LIG1: variants seen among roughly 807,000 people sequenced by gnomAD.
LIG1 encodes the protein ligase I, DNA, ATP-dependent.
In LIG1, 70 loss-of-function variants were observed where a neutral mutation model predicts 115.7. That is an observed-to-expected ratio of 0.60 (90% confidence interval 0.50 to 0.74). LIG1 has a LOEUF of 0.74. Ranked by LOEUF, LIG1 falls within the 30% of genes least tolerant of loss-of-function variation. LIG1 has a pLI of 0.00. For synonymous variants in LIG1, 487 were observed against 495.3 expected, an observed-to-expected ratio of 0.98 and a Z score of 0.22; for missense variants, 1,115 against 1,225.6, an observed-to-expected ratio of 0.91 and a Z score of 1.35.
chr19:48,145,025 A>G (rs1015826854), intron 9 of LIG1, among the ~76,000 whole-genome samples: 1 of 152,120 alleles, frequency 6.6e-6, no homozygotes, highest in Non-Finnish European at 1.5e-5. Context: ...CTCCTACCTC[A>G]GCTTCTTGAG....
chr19:48,160,390 T>C (rs893096217), intron 4 of LIG1, among the ~76,000 whole-genome samples: 2 of 151,992 alleles, frequency 1.3e-5, no homozygotes, highest in African/African-American at 4.8e-5. Context: ...GTGCACCTGG[T>C]GGGTGTGGGA....
At position 48,137,723 on chromosome 19, in the gene LIG1, T is replaced by C. The variant is rs1456526045; in HGVS notation, c.1088-35A>G. ...AGAGCGCGGGTGGGGGTGTCGAGGGTGACAGTTGTGGCTGCGTGTCTCCCT... is the reference window on the plus strand; with the variant it reads ...AGAGCGCGGGTGGGGGTGTCGAGGGCGACAGTTGTGGCTGCGTGTCTCCCT... On this transcript the variant is annotated intron_variant, in intron 12 of 27. Coordinates refer to ENST00000263274, the MANE Select transcript of LIG1 (RefSeq NM_000234.3). The surrounding 1 kb of genome is among the most constrained non-coding windows in gnomAD (Gnocchi z 4.3). 1 of 1,598,646 alleles carries C rather than the reference T, an allele frequency of 6.3e-7. No individual in the cohort carries two copies. The highest frequency in any genetic ancestry group is 8.5e-7 in the Non-Finnish European group (1 of 1,179,264).
Position 48,161,482 on chromosome 19 carries a change from C to T in LIG1, c.133G>A (p.Val45Met), listed in dbSNP as rs751867414. 2.4e-5 allele frequency: 39 copies of T among 1,614,068 alleles called. 1 individual carries two copies. The Admixed American group carries it at 4.7e-4, about 19-fold the overall frequency. The change falls in exon 4 of 28, where the codon GTG becomes ATG. Residue 45 changes from valine (V) to methionine (M), a missense_variant. Transcript: ENST00000263274. ...PKAALKEWNG[V>M]VSESDSPVKR... is the part of the protein sequence containing the mutation. ...ACCGGAGAGTCACTCTCGGACACCA[C>T]TCCATTCCACTCCTTCAGTGCCGCC...
chr19:48,121,859 C>G (rs1269481410), intron 23 of LIG1, among the ~76,000 whole-genome samples: 1 of 152,124 alleles, frequency 6.6e-6, no homozygotes, highest in East Asian at 1.9e-4. Context: ...ATCGATGGGA[C>G]CTCAGGAGTC....
rs55722968 is a variant in LIG1 at position 48,148,474 on chromosome 19, C to CA, written c.776+1288dup. 7.8e-3 allele frequency among the ~76,000 whole-genome samples: 763 copies of CA among 97,198 alleles called. 5 individuals carry two copies. The highest frequency in any genetic ancestry group is 0.013 in the African/African-American group (441 of 34,218). The allele number at this position is 97,198 out of a possible 152,430, so 63.8% of individuals were successfully genotyped here. A position where few individuals can be genotyped will look rare whatever the true frequency, so the allele number is the denominator to read the frequency against. On this transcript the variant is annotated intron_variant, in intron 9 of 27. Coordinates refer to ENST00000263274, the MANE Select transcript of LIG1 (RefSeq NM_000234.3). ...TGGGCAACAGAGTGAGATTCCATCT[C>CA]AAAAAAAAAAAAAAAAAGCAGGGAG... is the stretch of plus-strand genomic sequence containing the variant.
chr19:48,123,520 C>T, intron 21 of LIG1: 1 of 631,686 alleles, frequency 1.6e-6, no homozygotes, highest in Non-Finnish European at 2.8e-6. Context: ...GAGGGCCCGA[C>T]ACCATTTAGA....
intron 27 of LIG1, 21 bp downstream of exon 27, chr19:48,115,852 C>G (rs1389048009): frequency 6.2e-7 from 1 of 1,608,360 alleles, no homozygotes; most frequent in Non-Finnish European, 8.5e-7. Context: ...GGCGGCCCAC[C>G]CCTGCTTCCC....
chr19:48,148,532 G>A (rs890557010), intron 9 of LIG1, among the ~76,000 whole-genome samples: 1 of 151,900 alleles, frequency 6.6e-6, no homozygotes, highest in African/African-American at 2.4e-5. Flanking sequence ...GGTGTGCAGA[G>A]GGAGCAGGAA....
intron 18 of LIG1, among the ~76,000 whole-genome samples, chr19:48,132,535 T>C (rs1039370116): frequency 6.6e-6 from 1 of 151,904 alleles, no homozygotes; most frequent in Non-Finnish European, 1.5e-5. Context: ...TTCATGCCTG[T>C]AATCCCAGCA....
Position 48,127,939 on chromosome 19 carries a change from A to G in LIG1, c.1903T>C (p.Phe635Leu). Reference protein sequence around the residue: ...WDREKKQIQPFQVLTTRKRKE... With the variant: ...WDREKKQIQPLQVLTTRKRKE... Reference sequence around the variant, plus strand: ...CGTTTGCGGGTGGTGAGCACTTGGAATGGCTGGATCTGCTTCTTTTCCCGG... The same window carrying G: ...CGTTTGCGGGTGGTGAGCACTTGGAGTGGCTGGATCTGCTTCTTTTCCCGG... The change falls in exon 20 of 28, where the codon TTC becomes CTC. Residue 635 changes from phenylalanine (F) to leucine (L), a missense_variant. Transcript: ENST00000263274. The G allele has an allele frequency of 1.9e-6, 3 of 1,614,156 alleles. No homozygotes were observed. Among genetic ancestry groups the G allele is most frequent in the Non-Finnish European group, 2.5e-6 (3 of 1,180,034 alleles).
chr19:48,163,574 C>A (rs920774224), intron 2 of LIG1, among the ~76,000 whole-genome samples: 1 of 151,888 alleles, frequency 6.6e-6, no homozygotes, highest in Admixed American at 6.6e-5. Context: ...TGGCAGTGAC[C>A]CAGACACACG....
chr19:48,122,474 G>A lies in LIG1; in HGVS notation c.2232+460C>T, dbSNP rs368481011. The stretch of plus-strand genomic sequence containing the variant: ...GCTCCTCCCTCAGGGTCTCTGCACC[G>A]GGGGTTTTCCTCCCTAGTGCTCTGT... On this transcript the variant is annotated intron_variant, in intron 23 of 27. Coordinates refer to ENST00000263274, the MANE Select transcript of LIG1 (RefSeq NM_000234.3). The surrounding 1 kb of genome is among the most constrained non-coding windows in gnomAD (Gnocchi z 4.3). The A allele has an allele frequency of 1.8e-3, 452 of 254,322 alleles. 5 individuals are homozygous for A. The highest frequency in any genetic ancestry group is 9.2e-3 in the African/African-American group (416 of 45,118). 15.8% of individuals were successfully genotyped at this position (254,322 alleles called of 1,614,324 possible).
intron 19 of LIG1, among the ~76,000 whole-genome samples, chr19:48,129,103 C>T (rs1179054762): frequency 3.4e-5 from 5 of 148,666 alleles, no homozygotes; most frequent in Non-Finnish European, 1.5e-5. Flanking sequence ...TCCAGCCTGG[C>T]GTGCAGTGGT....
At chr19:48,117,545 G>A (rs2032935232) in intron 26 of LIG1, 93 bp downstream of exon 26, 2 of 1,302,886 alleles carry the variant, frequency 1.5e-6, no homozygotes, top group East Asian at 2.4e-5. Flanking sequence ...ACCTGGAAGA[G>A]CAGATGTGAG....
At chr19:48,138,361 G>A (rs1004637923) in intron 12 of LIG1, among the ~76,000 whole-genome samples, 2 of 152,150 alleles carry the variant, frequency 1.3e-5, no homozygotes, top group African/African-American at 2.4e-5. Flanking sequence ...TCGAGATAAC[G>A]CCCTAACCCT....
chr19:48,132,224 AT>A (rs1456191419), intron 18 of LIG1, among the ~76,000 whole-genome samples: 2 of 151,956 alleles, frequency 1.3e-5, no homozygotes, highest in Non-Finnish European at 2.9e-5. Context: ...CTGCTTACCT[AT>A]CCCCAGGTGA....
chr19:48,138,010 CA>C, intron 12 of LIG1: 1 of 451,830 alleles, frequency 2.2e-6, no homozygotes, highest in Non-Finnish European at 4.1e-6. Context: ...GGGACAAGGT[CA>C]CTAGGGAAGT....
intron 5 of LIG1, 143 bp from the exon 6 acceptor site, chr19:48,154,110 C>G (rs936280970): frequency 5.4e-6 from 4 of 735,242 alleles, no homozygotes; most frequent in Admixed American, 1.9e-5. Context: ...TGCCCCAGTG[C>G]AGGCCGCACC....
chr19:48,163,754 T>C (rs905277169), intron 2 of LIG1, among the ~76,000 whole-genome samples: 9 of 151,900 alleles, frequency 5.9e-5, no homozygotes, highest in Non-Finnish European at 8.8e-5. Flanking sequence ...CCATCCTGGC[T>C]AACACGGTGA....
Sources: allele counts gnomAD v4.1 joint callset (sites outside exome capture counted in the v4.1 genomes callset), GRCh38; gene constraint gnomAD v4.1.1; non-coding constraint Gnocchi (gnomAD v3.1); transcripts MANE v1.5; gene names NCBI Gene and HGNC (gene_info 2026-07-23, HGNC 2026-07-21).